ZNF699: variants seen among roughly 807,000 people sequenced by gnomAD.
The protein encoded by ZNF699 is hangover homolog.
A neutral mutation model predicts 22.5 loss-of-function variants in ZNF699; 18 were observed. The ratio of observed to expected loss-of-function variants is 0.80; its 90% CI spans 0.55 to 1.19. The LOEUF (loss-of-function observed/expected upper bound fraction) is 1.19, where lower values mean the gene tolerates loss of function less well. ZNF699 is among the 50% of genes most tolerant of loss of function. The pLI, the probability that ZNF699 is intolerant of heterozygous loss-of-function variation, is 0.00. For synonymous variants in ZNF699, 241 were observed against 262.3 expected (o/e 0.92, Z 0.78); for missense variants, 670 against 763.4 (o/e 0.88, Z 1.44).
rs567790270 is a variant in ZNF699, at chr19:9,293,195, A to C, written c.*2280T>G. Among the ~76,000 whole-genome samples, 113 of 152,218 alleles carry C rather than the reference A, an allele frequency of 7.4e-4. No individual in the cohort carries two copies. Among genetic ancestry groups the C allele is most frequent in the African/African-American group, 2.6e-3 (108 of 41,544 alleles). ...GTTTCAACAGGTGCCCTCAAAAAAA[A>C]AAAAAATCCAAATAGCCAATAAGCA... On this transcript the variant is annotated 3_prime_UTR_variant, in exon 6 of 6. Coordinates refer to ENST00000591998, the MANE Select transcript of ZNF699 (RefSeq NM_198535.3).
intron 1 of ZNF699, among the ~76,000 whole-genome samples, chr19:9,307,334 T>C (rs1246336325): frequency 1.4e-4 from 22 of 152,166 alleles, no homozygotes; most frequent in Admixed American, 1.4e-3. Context: ...GTGACATTTA[T>C]CCTGACCCTA....
At chr19:9,304,952 A>G in intron 2 of ZNF699, 120 bp downstream of exon 2, 1 of 599,592 alleles carries the variant, frequency 1.7e-6, no homozygotes, top group Non-Finnish European at 2.8e-6. Flanking sequence ...TATAGCCTTC[A>G]GTGCCTAAAA....
chr19:9,302,844 G>T (rs887839438), intron 2 of ZNF699, among the ~76,000 whole-genome samples: 1 of 152,102 alleles, frequency 6.6e-6, no homozygotes, highest in Non-Finnish European at 1.5e-5. Flanking sequence ...AGAACATAGT[G>T]AGAATCAGTC....
intron 3 of ZNF699, among the ~76,000 whole-genome samples, chr19:9,299,383 C>G (rs189194393): frequency 6.6e-6 from 1 of 152,334 alleles, no homozygotes; most frequent in East Asian, 1.9e-4. Context: ...ATTCACCCGC[C>G]TCGGCCTCCC....
In ZNF699 at chr19:9,297,703, G is replaced by A. The variant is rs1332674459; in HGVS notation, c.286+177C>T. 1.3e-5 allele frequency among the ~76,000 whole-genome samples: 2 copies of A among 152,166 alleles called. No homozygotes were observed. The highest frequency in any genetic ancestry group is 6.5e-5 in the Admixed American group (1 of 15,278). ...AAATGCCAACTTACAAAGAGGAAAC[G>A]TGGAAGGTCTTTGCCAAGAACAAGG... On this transcript the variant is annotated intron_variant, in intron 4 of 5. Transcript: ENST00000591998. This position sits in a 1 kb window ranked among gnomAD's most constrained non-coding sequence, Gnocchi z 4.3.
rs1171330514 is a variant in ZNF699, at chr19:9,292,765, T to C, written c.*2710A>G. 3.3e-5 allele frequency among the ~76,000 whole-genome samples: 5 copies of C among 151,996 alleles called. No homozygotes were observed. Among genetic ancestry groups the C allele is most frequent in the African/African-American group, 1.2e-4 (5 of 41,386 alleles). On this transcript the variant is annotated 3_prime_UTR_variant, in exon 6 of 6. Transcript: ENST00000591998. ...TTATACATATCTATGCATGTGTACCTAGATATAGATATACATACATACAAT... is the reference window on the plus strand; with the variant it reads ...TTATACATATCTATGCATGTGTACCCAGATATAGATATACATACATACAAT...
chr19:9,307,057 C>T (rs1376407659), intron 1 of ZNF699, among the ~76,000 whole-genome samples: 1 of 152,070 alleles, frequency 6.6e-6, no homozygotes, highest in Non-Finnish European at 1.5e-5. Context: ...AAAAATCAGC[C>T]GGGCATGGTG....
chr19:9,300,224 G>A (rs905809047), intron 3 of ZNF699, among the ~76,000 whole-genome samples: 1 of 152,114 alleles, frequency 6.6e-6, no homozygotes, highest in African/African-American at 2.4e-5. Context: ...GGGACTACAG[G>A]TGCCCGCCAA....
Position 9,302,360 on chromosome 19 carries a change from G to A in ZNF699, c.175+18C>T. ...TAACTTTCTAAACAACTACATGAAA[G>A]AATCTTGCCATTCTTACCTAGTGAG... is the stretch of plus-strand genomic sequence containing the variant. On this transcript the variant is annotated intron_variant, in intron 3 of 5. Coordinates refer to ENST00000591998, the MANE Select transcript of ZNF699 (RefSeq NM_198535.3). 6.2e-7 allele frequency: 1 copy of A among 1,612,834 alleles called. No individual in the cohort carries two copies. The highest frequency in any genetic ancestry group is 2.2e-5 in the East Asian group (1 of 44,794).
intron 1 of ZNF699, among the ~76,000 whole-genome samples, chr19:9,309,138 T>TC (rs1291212985): frequency 1.8e-5 from 1 of 54,232 alleles, no homozygotes; most frequent in Non-Finnish European, 4.7e-5. Flanking sequence ...TTATTTTACT[T>TC]TTTTTTTTTT....
intron 2 of ZNF699, among the ~76,000 whole-genome samples, chr19:9,303,513 G>C (rs1031804296): frequency 3.3e-5 from 5 of 152,316 alleles, no homozygotes; most frequent in African/African-American, 9.6e-5. Flanking sequence ...GGGAAGGGGT[G>C]CAGAGATTCC....
At chr19:9,299,386 G>A (rs1369290348) in intron 3 of ZNF699, among the ~76,000 whole-genome samples, 5 of 151,802 alleles carry the variant, frequency 3.3e-5, no homozygotes, top group African/African-American at 4.9e-5. Context: ...CACCCGCCTC[G>A]GCCTCCCAAA....
At chr19:9,299,391 C>T (rs1284585612) in intron 3 of ZNF699, among the ~76,000 whole-genome samples, 1 of 152,186 alleles carries the variant, frequency 6.6e-6, no homozygotes, top group African/African-American at 2.4e-5. Flanking sequence ...GCCTCGGCCT[C>T]CCAAAGTGCT....
In ZNF699 at chr19:9,295,955, G is replaced by A. The variant is rs746603760; in HGVS notation, c.1449C>T (p.Thr483=). The change falls in exon 6 of 6, where the codon ACC becomes ACT. Residue 483 remains threonine (T), a synonymous_variant. Coordinates refer to ENST00000591998, the MANE Select transcript of ZNF699 (RefSeq NM_198535.3). The stretch of plus-strand genomic sequence containing the variant: ...CGGTGAGGGATGAGGAACGACTAAA[G>A]GTCTTCCCACACTCCTTACATTCAT... ...IQYECKECGK[T]FSRSSSLTEH... 3 of 1,613,822 alleles carry A rather than the reference G, an allele frequency of 1.9e-6. No individual in the cohort carries two copies. Among genetic ancestry groups the A allele is most frequent in the Non-Finnish European group, 2.5e-6 (3 of 1,179,972 alleles).
rs138541335 is a variant in ZNF699 at position 9,305,668 on chromosome 19, C to T, written c.-5-544G>A. Among the ~76,000 whole-genome samples the T allele has an allele frequency of 4.9e-4, 74 of 152,148 alleles. 1 individual carries two copies. The highest frequency in any genetic ancestry group is 1.7e-3 in the African/African-American group (71 of 41,496). On this transcript the variant is annotated intron_variant, in intron 1 of 5. Transcript: ENST00000591998. ...AGACCACTGCCCCTGCCCCCATGAG[C>T]TGCAGGGTTCCCCAAAACCTGAGAA...
chr19:9,303,655 G>C (rs1296049124), intron 2 of ZNF699, among the ~76,000 whole-genome samples: 3 of 152,086 alleles, frequency 2.0e-5, no homozygotes, highest in African/African-American at 4.8e-5. Flanking sequence ...CCAATCCTCT[G>C]ATCTTGCCTG....
chr19:9,295,519 A>C lies in ZNF699; in HGVS notation c.1885T>G (p.Tyr629Asp). 1 of 1,613,536 alleles carries C rather than the reference A, an allele frequency of 6.2e-7. No individual in the cohort carries two copies. The highest frequency in any genetic ancestry group is 8.5e-7 in the Non-Finnish European group (1 of 1,179,694). ...TGAGTTTTCACATGCCTTCGAAAGT[A>C]GGCAGGACAAACAAAGGCTTTCCCA... ...ECGKAFVCPA[Y>D]FRRHVKTHTR... The change falls in exon 6 of 6, where the codon TAC (tyrosine) becomes GAC (aspartate). Residue 629 changes from tyrosine to aspartate, a missense_variant. Physicochemically the swap from Tyr to Asp is radical, Grantham distance 160. Coordinates refer to ENST00000591998, the MANE Select transcript of ZNF699 (RefSeq NM_198535.3).
chr19:9,296,861 T>TG lies in ZNF699; in HGVS notation c.542dup (p.Asn182LysfsTer3). The TG allele has an allele frequency of 6.2e-7, 1 of 1,614,128 alleles. No homozygotes were observed. Among genetic ancestry groups the TG allele is most frequent in the Non-Finnish European group, 8.5e-7 (1 of 1,179,952 alleles). ...TATTTCTCTTGAGTGAATCAAGATTTGGAACTTGGCTGAAAGTCTGTCCAT... is the reference window on the plus strand; with the variant it reads ...TATTTCTCTTGAGTGAATCAAGATTTGGGAACTTGGCTGAAAGTCTGTCCAT... On this transcript the variant is annotated frameshift_variant, in exon 6 of 6. Coordinates refer to ENST00000591998, the MANE Select transcript of ZNF699 (RefSeq NM_198535.3). LOFTEE classifies it low-confidence loss of function (END_TRUNC).
chr19:9,306,317 G>A (rs951373127), intron 1 of ZNF699, among the ~76,000 whole-genome samples: 3 of 151,872 alleles, frequency 2.0e-5, no homozygotes, highest in East Asian at 1.9e-4. Context: ...GCTTGAACCC[G>A]GGAGGCGGAG....
Sources: allele counts gnomAD v4.1 joint callset (sites outside exome capture counted in the v4.1 genomes callset), GRCh38; gene constraint gnomAD v4.1.1; non-coding constraint Gnocchi (gnomAD v3.1); transcripts MANE v1.5; gene names NCBI Gene and HGNC (gene_info 2026-07-23, HGNC 2026-07-21).